SCFD2: variants seen among roughly 807,000 people sequenced by gnomAD.
The protein encoded by SCFD2 is sec1 family domain containing 2, also known as sec1 family domain-containing protein 2.
SCFD2 carries 54 observed loss-of-function variants against 58.9 expected under a neutral mutation model. The observed-to-expected ratio is 0.92, with a 90% CI of 0.74 to 1.15. The LOEUF is 1.15. SCFD2 is among the 50% of genes most tolerant of loss of function. The pLI is 0.00. For synonymous variants in SCFD2, 321 were observed against 335.9 expected (o/e 0.96, Z 0.49); for missense variants, 805 against 836.6 (o/e 0.96, Z 0.47).
chr4:52,986,078 G>A (rs1453184418), intron 5 of SCFD2, among the ~76,000 whole-genome samples: 2 of 152,004 alleles, frequency 1.3e-5, no homozygotes, highest in African/African-American at 2.4e-5. Flanking sequence ...CATGTTAACC[G>A]GCTCCCTGGC....
chr4:53,255,225 A>ATTTATTTATTTATTTC (rs1454024490), intron 4 of SCFD2, among the ~76,000 whole-genome samples: 1 of 147,760 alleles, frequency 6.8e-6, no homozygotes, highest in Non-Finnish European at 1.5e-5. Context: ...TTATTTATTT[A>ATTTATTTATTTATTTC]TTTTTTATGG....
At chr4:53,213,821 A>G (rs1390622532) in intron 4 of SCFD2, among the ~76,000 whole-genome samples, 3 of 151,930 alleles carry the variant, frequency 2.0e-5, no homozygotes, top group Non-Finnish European at 4.4e-5. Context: ...CCACCCCACG[A>G]CAGGCCCTGG....
At chr4:53,120,566 C>A (rs1396514703) in intron 5 of SCFD2, among the ~76,000 whole-genome samples, 2 of 152,052 alleles carry the variant, frequency 1.3e-5, no homozygotes, top group South Asian at 2.1e-4. Flanking sequence ...ACAGTATAAG[C>A]GTTCATGGTT....
chr4:53,106,963 G>C (rs1725021482), intron 5 of SCFD2, among the ~76,000 whole-genome samples: 1 of 152,102 alleles, frequency 6.6e-6, no homozygotes, highest in South Asian at 2.1e-4. Flanking sequence ...AAAATGTTAT[G>C]GGCAGCCAGA....
At chr4:53,176,744 G>T (rs1168317303) in intron 4 of SCFD2, among the ~76,000 whole-genome samples, 1 of 152,174 alleles carries the variant, frequency 6.6e-6, no homozygotes. Context: ...GAGTTCAGGA[G>T]TTCTAGACCA....
At chr4:53,267,743 G>A (rs1228729323) in intron 4 of SCFD2, among the ~76,000 whole-genome samples, 1 of 151,742 alleles carries the variant, frequency 6.6e-6, no homozygotes, top group Non-Finnish European at 1.5e-5. Flanking sequence ...ACCATGCCTG[G>A]GGTTCCTCAG....
intron 5 of SCFD2, among the ~76,000 whole-genome samples, chr4:52,969,834 C>G (rs1418156898): frequency 6.6e-6 from 1 of 152,212 alleles, no homozygotes; most frequent in Admixed American, 6.5e-5. Context: ...CTAGCCTCTA[C>G]TGCCTAAGAT....
chr4:53,331,095 G>T (rs1328849543), intron 2 of SCFD2, among the ~76,000 whole-genome samples: 2 of 151,702 alleles, frequency 1.3e-5, no homozygotes, highest in Non-Finnish European at 2.9e-5. Context: ...GATTCATAAA[G>T]CAAGTCCTGA....
intron 2 of SCFD2, among the ~76,000 whole-genome samples, chr4:53,342,558 A>C (rs1275305669): frequency 6.6e-6 from 1 of 152,170 alleles, no homozygotes; most frequent in Non-Finnish European, 1.5e-5. Flanking sequence ...ACGAGACAGA[A>C]AGTTAACAAG....
chr4:52,975,924 C>G (rs1226127597), intron 5 of SCFD2, among the ~76,000 whole-genome samples: 1 of 148,312 alleles, frequency 6.7e-6, no homozygotes, highest in African/African-American at 2.5e-5. Flanking sequence ...ATCGCAAGGA[C>G]AAAAAACCAA....
chr4:53,012,372 T>TCA (rs990526553), intron 5 of SCFD2, among the ~76,000 whole-genome samples: 1 of 150,778 alleles, frequency 6.6e-6, no homozygotes, highest in African/African-American at 2.5e-5. Flanking sequence ...TCTCTCTCTC[T>TCA]CTCTCACACA....
chr4:53,067,186 C>T (rs1327170808), intron 5 of SCFD2, among the ~76,000 whole-genome samples: 2 of 151,984 alleles, frequency 1.3e-5, no homozygotes, highest in Non-Finnish European at 2.9e-5. Context: ...CTCCCTGTAG[C>T]CTCCTGCTAT....
At chr4:53,241,852 G>A (rs143327017) in intron 4 of SCFD2, among the ~76,000 whole-genome samples, 98 of 152,296 alleles carry the variant, frequency 6.4e-4, no homozygotes, top group African/African-American at 2.2e-3. Context: ...TGCCAACATT[G>A]TGGTGGCTTT....
At chr4:53,348,600 A>G (rs1206903465) in intron 2 of SCFD2, among the ~76,000 whole-genome samples, 1 of 152,082 alleles carries the variant, frequency 6.6e-6, no homozygotes, top group Non-Finnish European at 1.5e-5. Flanking sequence ...CTCACCACCT[A>G]TCGCTTTATC....
chr4:53,291,877 G>A (rs1731852877), intron 3 of SCFD2, among the ~76,000 whole-genome samples: 1 of 151,960 alleles, frequency 6.6e-6, no homozygotes, highest in Non-Finnish European at 1.5e-5. Flanking sequence ...CAAGCAATGG[G>A]GAAAGGATTC....
At chr4:52,997,957 A>G (rs1309845224) in intron 5 of SCFD2, among the ~76,000 whole-genome samples, 1 of 152,200 alleles carries the variant, frequency 6.6e-6, no homozygotes, top group Non-Finnish European at 1.5e-5. Context: ...TATTTTCCTT[A>G]TATTCTTCCT....
intron 3 of SCFD2, among the ~76,000 whole-genome samples, chr4:53,309,486 A>T (rs563948444): frequency 1.3e-5 from 2 of 152,322 alleles, no homozygotes; most frequent in African/African-American, 4.8e-5. Flanking sequence ...GTGTGACCAC[A>T]GAGGATTAGG....
chr4:53,059,266 G>C (rs1210486582), intron 5 of SCFD2, among the ~76,000 whole-genome samples: 1 of 152,132 alleles, frequency 6.6e-6, no homozygotes, highest in Non-Finnish European at 1.5e-5. Context: ...GTGAAAGAGA[G>C]GTGTCATTAG....
intron 4 of SCFD2, among the ~76,000 whole-genome samples, chr4:53,211,623 G>C (rs1728615874): frequency 6.6e-6 from 1 of 152,060 alleles, no homozygotes; most frequent in Non-Finnish European, 1.5e-5. Context: ...TCTCTGGGTA[G>C]ATAGTGTTGG....
Sources: allele counts gnomAD v4.1 joint callset (sites outside exome capture counted in the v4.1 genomes callset), GRCh38; gene constraint gnomAD v4.1.1; transcripts MANE v1.5; gene names NCBI Gene and HGNC (gene_info 2026-07-23, HGNC 2026-07-21).